Variants in CSMD3 observed in about 807,000 individuals in gnomAD.
CSMD3 encodes CUB and Sushi multiple domains 3.
A neutral mutation model predicts 435.2 loss-of-function variants in CSMD3; 177 were observed. The observed-to-expected ratio is 0.41, with a 90% confidence interval of 0.36 to 0.46. The LOEUF is 0.46. Among genes scored for constraint, CSMD3 ranks in the 20% least tolerant of loss-of-function variants. The pLI is 0.34. For missense variants in CSMD3, 4,265 were observed against 4,504.6 expected (o/e 0.95, Z 1.52); for synonymous variants, 1,656 against 1,520.5 (o/e 1.09, Z -2.07).
chr8:112,734,706 T>G (rs1418410193), intron 13 of CSMD3, among the ~76,000 whole-genome samples: 1 of 151,972 alleles, frequency 6.6e-6, no homozygotes, highest in Non-Finnish European at 1.5e-5. Context: ...ATTCCACTGA[T>G]TTTTTGCTTT....
intron 1 of CSMD3, chr8:113,377,148 G>A (rs2094390729): frequency 3.2e-6 from 4 of 1,251,702 alleles, no homozygotes; most frequent in Non-Finnish European, 4.1e-6. Flanking sequence ...AGGGCCGAGG[G>A]GTGTACGCCC....
intron 48 of CSMD3, 51 bp downstream of exon 48, chr8:112,314,378 G>T (rs1488118293): frequency 1.6e-6 from 2 of 1,284,636 alleles, no homozygotes; most frequent in Admixed American, 1.7e-5. Flanking sequence ...TGTATAATTA[G>T]AACATTTGTA....
intron 3 of CSMD3, among the ~76,000 whole-genome samples, chr8:113,174,606 C>A (rs147285667): frequency 9.9e-5 from 15 of 151,896 alleles, no homozygotes; most frequent in Non-Finnish European, 1.9e-4. Flanking sequence ...GAAAACTAAA[C>A]AAGTATACAA....
intron 8 of CSMD3, among the ~76,000 whole-genome samples, chr8:112,954,156 T>C (rs1443300418): frequency 6.6e-6 from 1 of 151,486 alleles, no homozygotes; most frequent in African/African-American, 2.4e-5. Flanking sequence ...TTTTTAAAGA[T>C]TTTCAAGAAG....
At chr8:112,623,219 C>CA (rs1193315501) in intron 22 of CSMD3, among the ~76,000 whole-genome samples, 2 of 151,996 alleles carry the variant, frequency 1.3e-5, no homozygotes, top group African/African-American at 4.8e-5. Context: ...AAAAGAGCTG[C>CA]AAAAAAGCCA....
intron 22 of CSMD3, among the ~76,000 whole-genome samples, chr8:112,598,142 C>A (rs1831934586): frequency 3.5e-5 from 5 of 144,280 alleles, no homozygotes; most frequent in African/African-American, 1.3e-4. Context: ...CCAAAATCTC[C>A]TTAAGCTGAT....
chr8:113,191,563 C>CAA (rs144305550), intron 3 of CSMD3, among the ~76,000 whole-genome samples: 67 of 141,662 alleles, frequency 4.7e-4, no homozygotes, highest in Admixed American at 1.1e-3. Context: ...ATGTTGTTGC[C>CAA]AAAAAAAAAA....
At chr8:112,633,327 C>T (rs2131565115) in intron 22 of CSMD3, among the ~76,000 whole-genome samples, 1 of 152,034 alleles carries the variant, frequency 6.6e-6, no homozygotes, top group Admixed American at 6.6e-5. Context: ...CAGTCAGAGA[C>T]AATGGTGTGC....
At chr8:112,448,131 G>A (rs77451814) in intron 32 of CSMD3, among the ~76,000 whole-genome samples, 2,968 of 152,250 alleles carry the variant, frequency 0.019, 89 homozygotes, top group African/African-American at 0.068. Flanking sequence ...TCGGGGACAA[G>A]CATGGCTAGG....
At chr8:112,345,082 A>G (rs1825534840) in intron 41 of CSMD3, among the ~76,000 whole-genome samples, 1 of 152,138 alleles carries the variant, frequency 6.6e-6, no homozygotes, top group African/African-American at 2.4e-5. Flanking sequence ...CTGTCTAGCT[A>G]TATCAGTCTA....
chr8:113,390,607 C>A (rs1007207788), intron 1 of CSMD3, among the ~76,000 whole-genome samples: 1 of 151,786 alleles, frequency 6.6e-6, no homozygotes, highest in Non-Finnish European at 1.5e-5. Context: ...TATCACTCCT[C>A]TAAAGATCAG....
intron 38 of CSMD3, among the ~76,000 whole-genome samples, chr8:112,370,142 GC>G (rs1388796743): frequency 1.3e-5 from 2 of 151,928 alleles, no homozygotes; most frequent in Non-Finnish European, 2.9e-5. Flanking sequence ...CCAAGGCATA[GC>G]CCATAGTCAT....
chr8:112,636,453 T>G (rs779178075), intron 22 of CSMD3, among the ~76,000 whole-genome samples: 9 of 151,396 alleles, frequency 5.9e-5, no homozygotes, highest in African/African-American at 9.7e-5. Flanking sequence ...TTCTGTGAGC[T>G]CTCAAAATAT....
chr8:112,376,442 G>T (rs73700686), intron 38 of CSMD3, among the ~76,000 whole-genome samples: 1 of 152,038 alleles, frequency 6.6e-6, no homozygotes, highest in African/African-American at 2.4e-5. Context: ...CTTCATTATA[G>T]AACCAAAACA....
At chr8:113,211,868 G>T (rs772318784) in intron 3 of CSMD3, among the ~76,000 whole-genome samples, 1 of 152,142 alleles carries the variant, frequency 6.6e-6, no homozygotes, top group Non-Finnish European at 1.5e-5. Context: ...TAATGTATTA[G>T]ATTTTGATGT....
At chr8:113,017,154 G>A (rs2086491956) in intron 6 of CSMD3, among the ~76,000 whole-genome samples, 1 of 151,762 alleles carries the variant, frequency 6.6e-6, no homozygotes, top group Non-Finnish European at 1.5e-5. Flanking sequence ...ATAGAAATAA[G>A]TTGTACCTCA....
At chr8:112,515,399 A>C (rs1823566610) in intron 28 of CSMD3, among the ~76,000 whole-genome samples, 1 of 152,142 alleles carries the variant, frequency 6.6e-6, no homozygotes, top group Non-Finnish European at 1.5e-5. Flanking sequence ...AAGAAGTTTT[A>C]ATTTAGTTGA....
chr8:113,431,954 A>G (rs2094676467), intron 1 of CSMD3, among the ~76,000 whole-genome samples: 1 of 152,228 alleles, frequency 6.6e-6, no homozygotes, highest in South Asian at 2.1e-4. Context: ...GCTAATTAAT[A>G]TCATGAAGGG....
At chr8:113,407,765 G>C (rs1189357073) in intron 1 of CSMD3, among the ~76,000 whole-genome samples, 9 of 152,092 alleles carry the variant, frequency 5.9e-5, no homozygotes, top group African/African-American at 2.2e-4. Context: ...CAGAGTTTAT[G>C]CTCAAAAGAT....
Sources: gnomAD v4.1 joint callset for allele counts (sites outside exome capture counted in the v4.1 genomes callset) on GRCh38, gnomAD v4.1.1 for gene constraint, MANE v1.5 for transcripts, NCBI Gene and HGNC (gene_info 2026-07-23, HGNC 2026-07-21) for gene names.